Variants in SPAG16 observed in about 807,000 individuals in gnomAD.
SPAG16 encodes sperm associated antigen 16.
Under a neutral mutation model 80.4 loss-of-function variants are expected in SPAG16, and 86 were observed. The ratio of observed to expected loss-of-function variants is 1.07; its 90% CI spans 0.90 to 1.28. The LOEUF (loss-of-function observed/expected upper bound fraction) is 1.28. Among genes scored for constraint, SPAG16 ranks in the 50% most tolerant of loss-of-function variants. The pLI is 0.00. For missense variants in SPAG16, 870 were observed against 765.3 expected, an observed-to-expected ratio of 1.14 and a Z score of -1.61; for synonymous variants, 294 against 265.9, an observed-to-expected ratio of 1.11 and a Z score of -1.03.
At chr2:213,524,109 G>A (rs983476398) in intron 10 of SPAG16, among the ~76,000 whole-genome samples, 1 of 152,170 alleles carries the variant, frequency 6.6e-6, no homozygotes, top group Non-Finnish European at 1.5e-5. Context: ...CTTGCTGTGT[G>A]CAGCCTAGGG....
intron 12 of SPAG16, among the ~76,000 whole-genome samples, chr2:213,940,784 A>G (rs1287369662): frequency 1.3e-5 from 2 of 152,182 alleles, no homozygotes; most frequent in Non-Finnish European, 2.9e-5. Flanking sequence ...TCTTATACAA[A>G]TAACATTTTA....
intron 15 of SPAG16, among the ~76,000 whole-genome samples, chr2:214,257,495 T>C (rs1452189169): frequency 1.3e-5 from 2 of 152,068 alleles, no homozygotes; most frequent in Non-Finnish European, 2.9e-5. Context: ...TGAAATATGA[T>C]GGTAATTGTA....
chr2:213,552,727 G>T (rs1490305741), intron 10 of SPAG16, among the ~76,000 whole-genome samples: 1 of 152,130 alleles, frequency 6.6e-6, no homozygotes, highest in Admixed American at 6.5e-5. Flanking sequence ...TAACATTTGA[G>T]TCAGTGGACT....
intron 10 of SPAG16, among the ~76,000 whole-genome samples, chr2:213,794,219 G>C (rs1559474322): frequency 6.6e-6 from 1 of 152,034 alleles, no homozygotes; most frequent in African/African-American, 2.4e-5. Flanking sequence ...CGCTGAATTT[G>C]AAATAAAAAT....
intron 13 of SPAG16, among the ~76,000 whole-genome samples, chr2:214,099,548 C>A (rs2125359615): frequency 6.6e-6 from 1 of 152,040 alleles, no homozygotes; most frequent in South Asian, 2.1e-4. Flanking sequence ...TAATAAAATG[C>A]ATATATATTA....
intron 5 of SPAG16, among the ~76,000 whole-genome samples, chr2:213,335,787 T>A (rs1284100288): frequency 6.6e-6 from 1 of 152,096 alleles, no homozygotes; most frequent in Admixed American, 6.5e-5. Flanking sequence ...CACCTGAACA[T>A]TGTTTATTTA....
intron 12 of SPAG16, among the ~76,000 whole-genome samples, chr2:213,976,325 C>T (rs887761769): frequency 6.7e-6 from 1 of 148,508 alleles, no homozygotes; most frequent in African/African-American, 2.6e-5. Flanking sequence ...TATGTGTACG[C>T]ATGTGTGCAC....
At chr2:213,512,229 A>G (rs924346059) in intron 10 of SPAG16, among the ~76,000 whole-genome samples, 10 of 152,168 alleles carry the variant, frequency 6.6e-5, no homozygotes, top group African/African-American at 2.4e-4. Flanking sequence ...AAGAAGATAA[A>G]CAAACTAGAC....
intron 13 of SPAG16, among the ~76,000 whole-genome samples, chr2:214,107,229 C>A (rs1470618200): frequency 2.6e-5 from 4 of 152,134 alleles, no homozygotes; most frequent in Admixed American, 2.6e-4. Context: ...AAATGCCCAT[C>A]TCCTCCACTA....
chr2:213,377,273 A>G (rs1037633301), intron 9 of SPAG16, among the ~76,000 whole-genome samples: 1 of 152,196 alleles, frequency 6.6e-6, no homozygotes, highest in African/African-American at 2.4e-5. Flanking sequence ...ATACAATACA[A>G]TGTACCAGTA....
At chr2:213,706,601 G>A (rs1049391655) in intron 10 of SPAG16, among the ~76,000 whole-genome samples, 1 of 152,152 alleles carries the variant, frequency 6.6e-6, no homozygotes, top group Non-Finnish European at 1.5e-5. Context: ...TCTACACAAT[G>A]TAGTCAGATT....
chr2:213,702,990 G>A (rs1286258055), intron 10 of SPAG16, among the ~76,000 whole-genome samples: 3 of 152,204 alleles, frequency 2.0e-5, no homozygotes, highest in Admixed American at 2.0e-4. Context: ...TGCCCACAAT[G>A]TGAAACTCAG....
At chr2:214,082,936 A>G (rs112057716) in intron 13 of SPAG16, among the ~76,000 whole-genome samples, 1,659 of 152,264 alleles carry the variant, frequency 0.011, 17 homozygotes, top group Non-Finnish European at 0.019. Flanking sequence ...ACCATTTACC[A>G]ACATAATCAC....
intron 10 of SPAG16, among the ~76,000 whole-genome samples, chr2:213,587,051 C>G (rs2060498150): frequency 6.6e-6 from 1 of 152,132 alleles, no homozygotes; most frequent in Non-Finnish European, 1.5e-5. Context: ...TGGGTCTTAG[C>G]GCTCATGGCT....
At chr2:213,499,750 C>T (rs931604839) in intron 10 of SPAG16, among the ~76,000 whole-genome samples, 3 of 152,086 alleles carry the variant, frequency 2.0e-5, no homozygotes, top group African/African-American at 7.2e-5. Context: ...ATGCTCATGA[C>T]CAAATTCTCT....
chr2:213,318,880 A>G (rs2063509559), intron 5 of SPAG16, among the ~76,000 whole-genome samples: 1 of 151,950 alleles, frequency 6.6e-6, no homozygotes. Context: ...TTAAAAGAAA[A>G]TTACTGAAAG....
intron 10 of SPAG16, among the ~76,000 whole-genome samples, chr2:213,538,148 A>G (rs2076312791): frequency 6.6e-6 from 1 of 152,188 alleles, no homozygotes. Context: ...TTTTTCAGAG[A>G]TCGATATTGA....
intron 10 of SPAG16, among the ~76,000 whole-genome samples, chr2:213,643,802 G>A (rs1336457274): frequency 1.1e-4 from 8 of 71,528 alleles, no homozygotes; most frequent in East Asian, 4.3e-4. Flanking sequence ...TTTTTGAGAC[G>A]CAGTTTCAGT....
intron 10 of SPAG16, among the ~76,000 whole-genome samples, chr2:213,825,664 G>A (rs1050215921): frequency 2.0e-5 from 3 of 148,752 alleles, no homozygotes; most frequent in Non-Finnish European, 4.5e-5. Context: ...GTGTTCATCA[G>A]GAATATTAGC....
Sources: gnomAD v4.1 joint callset for allele counts (sites outside exome capture counted in the v4.1 genomes callset) on GRCh38, gnomAD v4.1.1 for gene constraint, MANE v1.5 for transcripts, NCBI Gene and HGNC (gene_info 2026-07-23, HGNC 2026-07-21) for gene names.